The following DOCK10 variants were observed in gnomAD, a reference collection of about 807,000 sequenced individuals.
The protein encoded by DOCK10 is dedicator of cytokinesis protein 10.
Under a neutral mutation model 280.1 loss-of-function variants are expected in DOCK10, and 145 were observed. The ratio of observed to expected loss-of-function variants is 0.52; its 90% CI spans 0.45 to 0.59. The LOEUF (loss-of-function observed/expected upper bound fraction) is 0.59. Among genes scored for constraint, DOCK10 ranks in the 20% least tolerant of loss-of-function variants. DOCK10 has a pLI of 0.00. For missense variants in DOCK10, 2,368 were observed against 2,651.7 expected, an observed-to-expected ratio of 0.89 and a Z score of 2.35; for synonymous variants, 915 against 942.2, an observed-to-expected ratio of 0.97 and a Z score of 0.53.
intron 2 of DOCK10, among the ~76,000 whole-genome samples, chr2:224,927,091 AG>A (rs1702079625): frequency 6.6e-6 from 1 of 152,326 alleles, no homozygotes; most frequent in Non-Finnish European, 1.5e-5. Context: ...CTTGGAAGTC[AG>A]GGATGCTTCT....
chr2:224,781,449 T>G (rs774059218), intron 50 of DOCK10, among the ~76,000 whole-genome samples: 11 of 152,216 alleles, frequency 7.2e-5, no homozygotes, highest in Non-Finnish European at 1.3e-4. Context: ...ATGTTTGGAA[T>G]GCATGCTTAC....
At chr2:224,829,025 A>C (rs758871482) in intron 27 of DOCK10, among the ~76,000 whole-genome samples, 1 of 152,240 alleles carries the variant, frequency 6.6e-6, no homozygotes, top group Non-Finnish European at 1.5e-5. Context: ...CCCCCACTGC[A>C]ACAATGCAGT....
intron 3 of DOCK10, among the ~76,000 whole-genome samples, chr2:224,912,305 T>C (rs1027840696): frequency 2.0e-5 from 3 of 152,002 alleles, no homozygotes; most frequent in African/African-American, 7.3e-5. Flanking sequence ...CCGGGTAATT[T>C]TGTATTTTTA....
chr2:224,932,967 A>G (rs547317166), intron 1 of DOCK10, among the ~76,000 whole-genome samples: 1 of 152,000 alleles, frequency 6.6e-6, no homozygotes, highest in Middle Eastern at 3.4e-3. Context: ...TATACTTTCT[A>G]CATTAGAAAA....
At chr2:224,847,075 C>T (rs944448264) in intron 19 of DOCK10, among the ~76,000 whole-genome samples, 5 of 151,964 alleles carry the variant, frequency 3.3e-5, no homozygotes, top group Admixed American at 6.6e-5. Context: ...CTGACCATGC[C>T]GTAGCTATAC....
At chr2:224,912,272 A>G (rs1408374270) in intron 3 of DOCK10, among the ~76,000 whole-genome samples, 2 of 151,952 alleles carry the variant, frequency 1.3e-5, no homozygotes, top group Non-Finnish European at 2.9e-5. Context: ...AATAGCTGGG[A>G]TTACACGCAT....
intron 1 of DOCK10, among the ~76,000 whole-genome samples, chr2:225,035,571 TA>T (rs371280623): frequency 0.069 from 3,015 of 43,732 alleles, 373 homozygotes; most frequent in East Asian, 0.2. Context: ...TATATATATA[TA>T]TATATATATA....
chr2:224,935,683 C>T (rs1226125737), intron 1 of DOCK10, among the ~76,000 whole-genome samples: 1 of 152,156 alleles, frequency 6.6e-6, no homozygotes, highest in African/African-American at 2.4e-5. Context: ...GAAGAGCCCA[C>T]ACGTAAAATC....
chr2:224,836,507 A>C (rs1482771538), intron 25 of DOCK10, among the ~76,000 whole-genome samples: 1 of 152,240 alleles, frequency 6.6e-6, no homozygotes, highest in Non-Finnish European at 1.5e-5. Context: ...TGGATATAAA[A>C]ACTGTAATGA....
chr2:224,823,777 C>A (rs1364465547), intron 27 of DOCK10, 130 bp from the exon 28 acceptor site: 14 of 816,088 alleles, frequency 1.7e-5, no homozygotes, highest in Non-Finnish European at 2.4e-5. Context: ...AACTTGAAAG[C>A]AGTAATAAAA....
intron 1 of DOCK10, among the ~76,000 whole-genome samples, chr2:224,943,268 C>G (rs144968500): frequency 6.6e-6 from 1 of 152,030 alleles, no homozygotes; most frequent in South Asian, 2.1e-4. Context: ...AGACAATACA[C>G]TTGAAAATTA....
chr2:225,040,169 C>T (rs1690380422), intron 1 of DOCK10, among the ~76,000 whole-genome samples: 1 of 152,184 alleles, frequency 6.6e-6, no homozygotes, highest in South Asian at 2.1e-4. Flanking sequence ...GGATGCTCTA[C>T]ACCCACAGAA....
In DOCK10 at chr2:224,793,084, C is replaced by T. The variant is rs370482408; in HGVS notation, c.5213-12G>A. On this transcript the variant is annotated splice_polypyrimidine_tract_variant and intron_variant, in intron 46 of 55. Coordinates refer to ENST00000258390, the MANE Select transcript of DOCK10 (RefSeq NM_014689.3). The stretch of plus-strand genomic sequence containing the variant: ...CACTTTCCAGTAACCTATGGTAGTG[C>T]AAGATGAGGTTAGGACATTGCTACA... 3 of 1,572,268 alleles carry T rather than the reference C, an allele frequency of 1.9e-6. No individual in the cohort carries two copies. The highest frequency in any genetic ancestry group is 2.6e-6 in the Non-Finnish European group (3 of 1,143,712).
In DOCK10 at chr2:224,864,967, C is replaced by T. The variant is rs777921826; in HGVS notation, c.1378G>A (p.Val460Met). 3 of 1,613,896 alleles carry T rather than the reference C, an allele frequency of 1.9e-6. No individual in the cohort carries two copies. The highest frequency in any genetic ancestry group is 2.5e-6 in the Non-Finnish European group (3 of 1,179,864). The change falls in exon 12 of 56, where the codon GTG becomes ATG. Residue 460 changes from valine to methionine, a missense_variant. By Grantham distance (21) the Val-to-Met change is conservative (BLOSUM62 1). This residue lies in a region of DOCK10 where 1,209 missense variants were observed against 1,250.9 expected (regional missense o/e 0.97). Transcript: ENST00000258390. ...AVRQMLLGAS[V>M]ALENGNIDTI... is the part of the protein sequence containing the mutation. The stretch of plus-strand genomic sequence containing the variant: ...TCGATGTTGCCATTTTCCAAAGCCA[C>T]AGAAGCCCCCAAGAGCATCTGTCTG...
chr2:224,917,988 T>C (rs2125945796), intron 2 of DOCK10, among the ~76,000 whole-genome samples: 1 of 152,248 alleles, frequency 6.6e-6, no homozygotes, highest in Admixed American at 6.5e-5. Flanking sequence ...AGATTAGCTG[T>C]TGGAACAGAT....
rs565736899 is a variant in DOCK10 at position 224,920,995 on chromosome 2, C to T, written c.244-4211G>A. Among the ~76,000 whole-genome samples the T allele has an allele frequency of 2.1e-3, 308 of 148,558 alleles. 4 individuals carry two copies. The highest frequency in any genetic ancestry group is 2.7e-3 in the Non-Finnish European group (181 of 67,524). On this transcript the variant is annotated intron_variant, in intron 2 of 55. Coordinates refer to ENST00000258390, the MANE Select transcript of DOCK10 (RefSeq NM_014689.3). ...GTGGGCTGGGCACGGTGGCTCATGC[C>T]TGTAATCCCAGCCCTTTGGGAGGCT...
At chr2:224,825,680 C>T (rs760256650) in intron 27 of DOCK10, among the ~76,000 whole-genome samples, 2 of 152,230 alleles carry the variant, frequency 1.3e-5, no homozygotes, top group Admixed American at 6.5e-5. Context: ...CTGTGGCCTA[C>T]TCTCACTCTG....
intron 1 of DOCK10, among the ~76,000 whole-genome samples, chr2:224,937,081 G>A (rs1702732634): frequency 6.6e-6 from 1 of 152,036 alleles, no homozygotes; most frequent in Non-Finnish European, 1.5e-5. Context: ...AAAGGAGATG[G>A]GCAATTAGCA....
chr2:224,951,853 G>A (rs1703749442), intron 1 of DOCK10, among the ~76,000 whole-genome samples: 1 of 152,162 alleles, frequency 6.6e-6, no homozygotes, highest in South Asian at 2.1e-4. Flanking sequence ...GGACTGAGGT[G>A]GCCATTTCTT....
Sources: gnomAD v4.1 joint callset for allele counts (sites outside exome capture counted in the v4.1 genomes callset) on GRCh38, gnomAD v4.1.1 for gene constraint, gnomAD v4.1.1 regional missense constraint, MANE v1.5 for transcripts, NCBI Gene and HGNC (gene_info 2026-07-23, HGNC 2026-07-21) for gene names.